NTAQ1: variants seen among roughly 807,000 people sequenced by gnomAD.
NTAQ1 encodes the protein N-terminal glutamine amidase 1.
A neutral mutation model predicts 28.2 loss-of-function variants in NTAQ1; 21 were observed. That is an observed-to-expected ratio of 0.74 (90% CI 0.53 to 1.07). The LOEUF (loss-of-function observed/expected upper bound fraction) is 1.07, where lower values mean the gene tolerates loss of function less well. Among genes scored for constraint, NTAQ1 ranks in the 50% least tolerant of loss-of-function variants. NTAQ1 has a pLI of 0.00. For synonymous variants in NTAQ1, 105 were observed against 90.0 expected, an observed-to-expected ratio of 1.17 and a Z score of -0.94; for missense variants, 264 against 256.6, an observed-to-expected ratio of 1.03 and a Z score of -0.20.
downstream of NTAQ1, among the ~76,000 whole-genome samples, chr8:123,473,410 C>T (rs1429617314): frequency 6.6e-6 from 1 of 152,028 alleles, no homozygotes; most frequent in Non-Finnish European, 1.5e-5. Context: ...ATTCTCCTGC[C>T]TCAGCCTCCC....
downstream of NTAQ1, among the ~76,000 whole-genome samples, chr8:123,471,789 G>T (rs1816044566): frequency 6.6e-6 from 1 of 152,092 alleles, no homozygotes; most frequent in Admixed American, 6.6e-5. Flanking sequence ...AGGGTAATCT[G>T]GTTTACTCTG....
intron 1 of NTAQ1, 134 bp from the exon 2 acceptor site, chr8:123,427,790 C>T: frequency 2.9e-6 from 2 of 679,444 alleles, no homozygotes; most frequent in Non-Finnish European, 5.0e-6. Flanking sequence ...GAGATTCAGA[C>T]ATTAGCCAGT....
At chr8:123,453,019 GT>G (rs1383022900), downstream of NTAQ1, among the ~76,000 whole-genome samples, 1 of 152,246 alleles carries the variant, frequency 6.6e-6, no homozygotes, top group Non-Finnish European at 1.5e-5. Flanking sequence ...GGGACCTGGA[GT>G]TTTAGAGCAA....
At chr8:123,440,047 T>C (rs1315795820) in intron 5 of NTAQ1, among the ~76,000 whole-genome samples, 2 of 151,954 alleles carry the variant, frequency 1.3e-5, no homozygotes, top group African/African-American at 4.8e-5. Context: ...CTCTTTTTTT[T>C]TTTTAATCAA....
chr8:123,447,394 A>G (rs1298614062), intron 6 of NTAQ1, among the ~76,000 whole-genome samples: 17 of 152,106 alleles, frequency 1.1e-4, no homozygotes, highest in Admixed American at 1.1e-3. Flanking sequence ...GTCCTTTTTG[A>G]TAATCACCCT....
In NTAQ1 at chr8:123,436,169, C is replaced by CAA. The variant is rs34240319; in HGVS notation, c.235-264_235-263dup. On this transcript the variant is annotated intron_variant, in intron 3 of 5. Transcript: ENST00000287387. ...GGGTGACGAGAGTAAGACTCCATCT[C>CAA]AAAAAAAAAAAAAAAAAAAAAGTTT... 3.1e-3 allele frequency among the ~76,000 whole-genome samples: 267 copies of CAA among 85,664 alleles called. 1 individual carries two copies. Among genetic ancestry groups the CAA allele is most frequent in the South Asian group, 5.4e-3 (13 of 2,390 alleles). 56.2% of individuals were successfully genotyped at this position (85,664 alleles called of 152,430 possible).
chr8:123,452,224 T>C (rs1293625726), downstream of NTAQ1, among the ~76,000 whole-genome samples: 2 of 152,226 alleles, frequency 1.3e-5, no homozygotes, highest in Admixed American at 6.5e-5. Flanking sequence ...CTATGTCTTT[T>C]ACCCTGGCAG....
At chr8:123,431,768 G>T (rs760243880) in intron 3 of NTAQ1, among the ~76,000 whole-genome samples, 14 of 152,190 alleles carry the variant, frequency 9.2e-5, no homozygotes, top group Non-Finnish European at 1.9e-4. Context: ...CAGTGGGGTC[G>T]TGAGGCTTAA....
chr8:123,447,112 G>T (rs893966979), downstream of NTAQ1, among the ~76,000 whole-genome samples: 4 of 150,108 alleles, frequency 2.7e-5, no homozygotes, highest in African/African-American at 9.8e-5. Context: ...TTCTGTCTAG[G>T]TGTCCTTGTA....
chr8:123,454,137 GT>G (rs1815581754), intron 6 of NTAQ1, among the ~76,000 whole-genome samples: 1 of 152,152 alleles, frequency 6.6e-6, no homozygotes, highest in Non-Finnish European at 1.5e-5. Flanking sequence ...TGTCAAACTT[GT>G]TAAAAAGGCA....
chr8:123,441,409 C>G lies in NTAQ1; in HGVS notation c.612C>G (p.Asn204Lys), dbSNP rs773179365. The part of the protein sequence containing the change: ...SEFTHRFGSK[N>K]C Reference sequence around the variant, plus strand: ...TTACACATCGGTTTGGCAGTAAAAACTGCTGAACTTGGTCTCAAGATGTGG... The same window carrying G: ...TTACACATCGGTTTGGCAGTAAAAAGTGCTGAACTTGGTCTCAAGATGTGG... Residue 204 changes from asparagine (N) to lysine (K), a missense_variant, in exon 6 of 6, where the codon AAC becomes AAG. By Grantham distance (94) the Asn-to-Lys change is moderately conservative. Transcript: ENST00000287387. The G allele has an allele frequency of 4.4e-6, 7 of 1,605,786 alleles. No homozygotes were observed. The highest frequency in any genetic ancestry group is 3.3e-4 in the Middle Eastern group (2 of 6,046).
chr8:123,420,148 A>G (rs1813590943), intron 1 of NTAQ1, among the ~76,000 whole-genome samples: 1 of 152,030 alleles, frequency 6.6e-6, no homozygotes, highest in Admixed American at 6.6e-5. Context: ...TCCCACTTAT[A>G]CGCAAGAATA....
At chr8:123,437,718 CAAAAAA>C (rs1563893299) in intron 5 of NTAQ1, among the ~76,000 whole-genome samples, 1 of 57,596 alleles carries the variant, frequency 1.7e-5, no homozygotes, top group Non-Finnish European at 3.6e-5. Context: ...AAAAAAAAAA[CAAAAAA>C]CAAAAAACAA....
chr8:123,425,571 G>A (rs1320514921), intron 1 of NTAQ1, among the ~76,000 whole-genome samples: 2 of 151,028 alleles, frequency 1.3e-5, no homozygotes, highest in African/African-American at 2.4e-5. Context: ...TCCAACTTCC[G>A]TATTTTAAGC....
intron 1 of NTAQ1, among the ~76,000 whole-genome samples, chr8:123,418,979 G>T (rs1274103525): frequency 6.6e-6 from 1 of 152,134 alleles, no homozygotes. Flanking sequence ...GTCCTGTAGG[G>T]GTTGGGGGGC....
upstream of NTAQ1, chr8:123,416,773 C>T: frequency 7.3e-7 from 1 of 1,367,802 alleles, no homozygotes; most frequent in South Asian, 1.5e-5. Flanking sequence ...CCACGCGGGC[C>T]ACTACAAGCC....
downstream of NTAQ1, among the ~76,000 whole-genome samples, chr8:123,449,479 G>A (rs1029693398): frequency 3.3e-5 from 5 of 152,108 alleles, no homozygotes; most frequent in Admixed American, 3.3e-4. Context: ...ACTTTGGGAG[G>A]CTGAAGTGGG....
chr8:123,437,103 C>A, intron 4 of NTAQ1, 107 bp from the exon 5 acceptor site: 1 of 1,416,802 alleles, frequency 7.1e-7, no homozygotes, highest in Non-Finnish European at 9.6e-7. Flanking sequence ...TACAGAAATG[C>A]ATGAGTAGTT....
At chr8:123,428,378 A>G (rs1228215139) in intron 2 of NTAQ1, among the ~76,000 whole-genome samples, 1 of 151,918 alleles carries the variant, frequency 6.6e-6, no homozygotes, top group African/African-American at 2.4e-5. Flanking sequence ...TGTATTTTTT[A>G]GTAGAGATGG....
Sources: allele counts gnomAD v4.1 joint callset (sites outside exome capture counted in the v4.1 genomes callset), GRCh38; gene constraint gnomAD v4.1.1; transcripts MANE v1.5; gene names NCBI Gene and HGNC (gene_info 2026-07-23, HGNC 2026-07-21).